ITIH6: variants seen among roughly 807,000 people sequenced by gnomAD.
ITIH6 encodes inter-alpha-trypsin inhibitor heavy chain H6.
A neutral mutation model predicts 58.2 loss-of-function variants in ITIH6; 60 were observed. That is an observed-to-expected ratio of 1.03 (90% CI 0.84 to 1.28). ITIH6 has a LOEUF of 1.28. Ranked by LOEUF, ITIH6 falls within the 50% of genes most tolerant of loss-of-function variation. The pLI is 0.00. For missense variants in ITIH6, 1,290 were observed against 1,021.1 expected (o/e 1.26, Z -3.59); for synonymous variants, 493 against 417.4 (o/e 1.18, Z -2.21).
chrX:54,751,084 G>A lies in ITIH6; in HGVS notation c.3649C>T (p.Pro1217Ser). The change falls in exon 12 of 13, where the codon CCC becomes TCC. Residue 1217 changes from proline (P) to serine (S), a missense_variant. Coordinates refer to ENST00000218436, the MANE Select transcript of ITIH6 (RefSeq NM_198510.3). ...FLVLRHRYRH[P>S]STLQLPHLGF... ...AGGTGGGGTAGTTGCAGGGTACTGGGATGCCTGTAGCGGTGTCGGAGGACT... is the reference window on the plus strand; with the variant it reads ...AGGTGGGGTAGTTGCAGGGTACTGGAATGCCTGTAGCGGTGTCGGAGGACT... 8.3e-7 allele frequency: 1 copy of A among 1,203,019 alleles called. No homozygotes were observed. The highest frequency in any genetic ancestry group is 1.1e-6 in the Non-Finnish European group (1 of 891,135).
chrX:54,755,184 AGCCCTCACTG>A, intron 8 of ITIH6, 75 bp from the exon 9 acceptor site: 1 of 904,737 alleles, frequency 1.1e-6, no homozygotes, highest in South Asian at 2.2e-5. Context: ...TGACAAGGAG[AGCCCTCACTG>A]GCTCTGCAGG....
intron 4 of ITIH6, among the ~76,000 whole-genome samples, chrX:54,790,514 A>C (rs184512641): frequency 1.8e-5 from 2 of 111,769 alleles, no homozygotes; most frequent in Non-Finnish European, 3.8e-5. Context: ...TGGCTTCTAC[A>C]GCCTTCAACA....
Position 54,757,445 on chromosome X carries a change from G to C in ITIH6, c.2629C>G (p.Pro877Ala), listed in dbSNP as rs1457600225. The change falls in exon 8 of 13, where the codon CCA (proline) becomes GCA (alanine). Residue 877 changes from proline to alanine, a missense_variant. By Grantham distance (27) the Pro-to-Ala change is conservative. Transcript: ENST00000218436. ...TSISLSKPET[P>A]NPHMPQTPLP... The stretch of plus-strand genomic sequence containing the variant: ...GGGGTTTGAGGCATATGGGGGTTTG[G>C]GGTCTCAGGCTTGGAAAGTGATATG... 2.5e-6 allele frequency: 3 copies of C among 1,210,782 alleles called. No homozygotes were observed. Among genetic ancestry groups the C allele is most frequent in the South Asian group, 3.5e-5 (2 of 56,936 alleles).
intron 6 of ITIH6, among the ~76,000 whole-genome samples, chrX:54,770,343 G>A (rs1054192028): frequency 8.9e-6 from 1 of 112,595 alleles, no homozygotes; most frequent in African/African-American, 3.2e-5. Context: ...CGTCTTATGC[G>A]TCGCTCACGC....
In ITIH6 at chrX:54,789,074, A is replaced by C. The variant is rs1929297531; in HGVS notation, c.617-425T>G. ...GAGACAGACAGACAGACACACAGAC[A>C]AGGTCTAGGTCTCCTCTCATTCCCC... On this transcript the variant is annotated intron_variant, in intron 4 of 12. Coordinates refer to ENST00000218436, the MANE Select transcript of ITIH6 (RefSeq NM_198510.3). Among the ~76,000 whole-genome samples, 4 of 112,586 alleles carry C rather than the reference A, an allele frequency of 3.6e-5. No homozygotes were observed. The South Asian group carries it at 1.5e-3, about 41-fold the overall frequency.
chrX:54,754,735 A>G (rs191937388), intron 9 of ITIH6, among the ~76,000 whole-genome samples: 448 of 112,016 alleles, frequency 4.0e-3, no homozygotes, highest in African/African-American at 0.014. Flanking sequence ...AACGTGAATG[A>G]GTGTGGAAGA....
chrX:54,777,796 T>A (rs1166377025), intron 5 of ITIH6, among the ~76,000 whole-genome samples: 2 of 112,511 alleles, frequency 1.8e-5, no homozygotes, highest in Non-Finnish European at 3.7e-5. Context: ...ACAACATGTA[T>A]GTACATTTGA....
chrX:54,780,728 GT>G (rs748558612), intron 5 of ITIH6, among the ~76,000 whole-genome samples: 1,334 of 106,378 alleles, frequency 0.013, 10 homozygotes, highest in Non-Finnish European at 0.019. Context: ...AACAAAAAGA[GT>G]TTTTTTTTTA....
At chrX:54,768,845 C>T (rs1928869495) in intron 6 of ITIH6, among the ~76,000 whole-genome samples, 1 of 106,248 alleles carries the variant, frequency 9.4e-6, no homozygotes, top group Admixed American at 9.9e-5. Context: ...GTGAGTCTGA[C>T]AATTATGTGT....
Position 54,758,321 on chromosome X carries a change from G to A in ITIH6, c.1753C>T (p.Arg585Cys), listed in dbSNP as rs146026530. Reference protein sequence around the residue: ...AHFQARDTTTRHLLAAKVLNL... With the variant: ...AHFQARDTTTCHLLAAKVLNL... ...AGGACTTTGGCAGCCAGCAGGTGGC[G>A]AGTGGTGGTGTCACGAGCTTGGAAG... The change falls in exon 8 of 13, where the codon CGC becomes TGC. Residue 585 changes from arginine (R) to cysteine (C), a missense_variant. By Grantham distance (180) the Arg-to-Cys change is radical. Transcript: ENST00000218436. 96 of 1,210,405 alleles carry A rather than the reference G, an allele frequency of 7.9e-5. No homozygotes were observed. The African/African-American group carries it at 1.5e-3, about 19-fold the overall frequency.
At chrX:54,764,947 C>T (rs1242987558) in intron 6 of ITIH6, among the ~76,000 whole-genome samples, 5 of 88,472 alleles carry the variant, frequency 5.7e-5, no homozygotes, top group Non-Finnish European at 4.4e-5. Flanking sequence ...TTAATGATTG[C>T]CATTCTAACT....
At position 54,753,668 on chromosome X, in the gene ITIH6, A is replaced by G. The variant is rs773037657; in HGVS notation, c.3335T>C (p.Ile1112Thr). 1 of 1,207,886 alleles carries G rather than the reference A, an allele frequency of 8.3e-7. No homozygotes were observed. Among genetic ancestry groups the G allele is most frequent in the Non-Finnish European group, 1.1e-6 (1 of 892,312 alleles). ...NGHPGDLLQL[I>T]EDPKAGLHVS... ...GCTCTTACCTGCCTTTGGGTCCTCT[A>G]TGAGCTGCAGCAAGTCCCCAGGGTG... The change falls in exon 11 of 13, where the codon ATA becomes ACA. Residue 1112 changes from isoleucine (I) to threonine (T), a missense_variant. Physicochemically the swap from Ile to Thr is moderately conservative, Grantham distance 89. Coordinates refer to ENST00000218436, the MANE Select transcript of ITIH6 (RefSeq NM_198510.3).
In ITIH6 at chrX:54,750,081, T is replaced by G; in HGVS notation, c.3756A>C (p.Arg1252=). The change falls in exon 13 of 13, where the codon CGA becomes CGC. Residue 1252 remains arginine (R), a synonymous_variant. Transcript: ENST00000218436. ...LIGQFQHADI[R]LVTGPMGPCL... ...ATGGCCCCATAGGTCCTGTCACCAG[T>G]CGGATGTCTGCGTGCTGGAACTGCC... The G allele has an allele frequency of 8.3e-7, 1 of 1,208,512 alleles. No homozygotes were observed. The highest frequency in any genetic ancestry group is 1.1e-6 in the Non-Finnish European group (1 of 893,723).
Position 54,757,663 on chromosome X carries a change from C to A in ITIH6, c.2411G>T (p.Gly804Val). ...GACTCCAGGTCTTGACTGTGGCAGG[C>A]CTTTAGGTGCCTGTGATGTGAGTGC... The part of the protein sequence containing the change: ...LGALTSQAPK[G>V]LPQSRPGVST... Residue 804 changes from glycine (G) to valine (V), a missense_variant, in exon 8 of 13, where the codon GGC (glycine) becomes GTC (valine). Coordinates refer to ENST00000218436, the MANE Select transcript of ITIH6 (RefSeq NM_198510.3). The A allele has an allele frequency of 8.3e-7, 1 of 1,210,068 alleles. No individual in the cohort carries two copies. Among genetic ancestry groups the A allele is most frequent in the Non-Finnish European group, 1.1e-6 (1 of 894,858 alleles).
chrX:54,785,849 G>A (rs905399943), intron 5 of ITIH6, among the ~76,000 whole-genome samples: 19 of 111,364 alleles, frequency 1.7e-4, no homozygotes, highest in African/African-American at 6.2e-4. Context: ...TGCTGGATTG[G>A]GCTGCTTCAC....
At chrX:54,768,320 A>C (rs1356802922) in intron 6 of ITIH6, among the ~76,000 whole-genome samples, 6 of 78,339 alleles carry the variant, frequency 7.7e-5, no homozygotes, top group Non-Finnish European at 7.0e-5. Context: ...AATACAGCAC[A>C]CTGATGGGTC....
intron 6 of ITIH6, among the ~76,000 whole-genome samples, chrX:54,766,984 C>G (rs1438838254): frequency 1.8e-5 from 2 of 109,697 alleles, no homozygotes; most frequent in Non-Finnish European, 3.8e-5. Flanking sequence ...CTCCTTGTAC[C>G]TCTGGTAGAA....
Position 54,750,122 on chromosome X carries a change from G to A in ITIH6, c.3731-16C>T. ...TGGAACTGCCCTGAGGGAGAGAGAT[G>A]CAGTGCTAGTCAGGGAGGTGGCCTG... On this transcript the variant is annotated splice_polypyrimidine_tract_variant and intron_variant, in intron 12 of 12. Coordinates refer to ENST00000218436, the MANE Select transcript of ITIH6 (RefSeq NM_198510.3). The A allele has an allele frequency of 8.5e-7, 1 of 1,169,716 alleles. No individual in the cohort carries two copies.
In ITIH6 at chrX:54,789,607, G is replaced by A. The variant is rs1929306879; in HGVS notation, c.617-958C>T. 2.7e-5 allele frequency among the ~76,000 whole-genome samples: 3 copies of A among 112,315 alleles called. No homozygotes were observed. The Admixed American group carries it at 2.8e-4, about 11-fold the overall frequency. ...CCTGCCCGGACTCAAATGGCCTGTGGGTCCAGGTTCCAGCTGCTGCTGTGT... is the reference window on the plus strand; with the variant it reads ...CCTGCCCGGACTCAAATGGCCTGTGAGTCCAGGTTCCAGCTGCTGCTGTGT... On this transcript the variant is annotated intron_variant, in intron 4 of 12. Transcript: ENST00000218436.
Sources: gnomAD v4.1 joint callset for allele counts (sites outside exome capture counted in the v4.1 genomes callset) on GRCh38, gnomAD v4.1.1 for gene constraint, MANE v1.5 for transcripts, NCBI Gene and HGNC (gene_info 2026-07-23, HGNC 2026-07-21) for gene names.